The following EPB41L4A variants were observed in gnomAD, a reference collection of about 807,000 sequenced individuals.
EPB41L4A encodes the protein erythrocyte membrane protein band 4.1 like 4A.
EPB41L4A carries 100 observed loss-of-function variants against 108.6 expected under a neutral mutation model. The ratio of observed to expected loss-of-function variants is 0.92; its 90% CI spans 0.78 to 1.09. The LOEUF is 1.09. EPB41L4A is among the 50% of genes least tolerant of loss of function. The probability of loss-of-function intolerance (pLI) is 0.00; values close to 1 mark genes in which losing one functional copy is unlikely to be tolerated. For synonymous variants in EPB41L4A, 319 were observed against 289.0 expected (o/e 1.10, Z -1.05); for missense variants, 1,030 against 842.7 (o/e 1.22, Z -2.75).
In EPB41L4A at chr5:112,395,805, T is replaced by C. The variant is rs371913168; in HGVS notation, c.99+23136A>G. ...GAAGACTTATGCACACTTATGTTTA[T>C]TGTGGCACTATTCACAATAGCAAAG... On this transcript the variant is annotated intron_variant, in intron 1 of 22. Transcript: ENST00000261486. Among the ~76,000 whole-genome samples, 8 of 152,244 alleles carry C rather than the reference T, an allele frequency of 5.3e-5. No individual in the cohort carries two copies. The East Asian group carries it at 7.7e-4, about 15-fold the overall frequency.
At position 112,266,301 on chromosome 5, in the gene EPB41L4A, T is replaced by A; in HGVS notation, c.365A>T (p.Asp122Val). Reference sequence around the variant, plus strand: ...ACAGGGCAGACGGCCCTGAAGGACATCTTGCTTCACCTGCAAGAAAAACTG... The same window carrying A: ...ACAGGGCAGACGGCCCTGAAGGACAACTTGCTTCACCTGCAAGAAAAACTG... ...RYQFFLQVKQ[D>V]VLQGRLPCPV... The change falls in exon 5 of 23, where the codon GAT (aspartate) becomes GTT (valine). Residue 122 changes from aspartate (D) to valine (V), a missense_variant. Physicochemically the swap from Asp to Val is radical, Grantham distance 152 (BLOSUM62 -3). Coordinates refer to ENST00000261486, the MANE Select transcript of EPB41L4A (RefSeq NM_022140.5). 3 of 1,608,152 alleles carry A rather than the reference T, an allele frequency of 1.9e-6. No homozygotes were observed. Among genetic ancestry groups the A allele is most frequent in the East Asian group, 2.2e-5 (1 of 44,788 alleles).
At chr5:112,314,892 G>T (rs1755333197) in intron 1 of EPB41L4A, among the ~76,000 whole-genome samples, 1 of 152,136 alleles carries the variant, frequency 6.6e-6, no homozygotes, top group Admixed American at 6.5e-5. Context: ...GAATTCACAA[G>T]ATGCCACAAA....
chr5:112,198,690 T>G (rs1488558018), intron 15 of EPB41L4A, among the ~76,000 whole-genome samples: 1 of 152,084 alleles, frequency 6.6e-6, no homozygotes, highest in African/African-American at 2.4e-5. Flanking sequence ...TTATTGTGGG[T>G]TTTTTGGTTC....
chr5:112,155,967 TG>T (rs771252296), intron 12 of EPB41L4A, among the ~76,000 whole-genome samples: 10 of 152,160 alleles, frequency 6.6e-5, no homozygotes, highest in African/African-American at 1.7e-4. Flanking sequence ...TAAAACAGTA[TG>T]AAAAAAATAA....
At chr5:112,352,102 G>A (rs1403510086) in intron 1 of EPB41L4A, among the ~76,000 whole-genome samples, 3 of 152,030 alleles carry the variant, frequency 2.0e-5, no homozygotes, top group African/African-American at 7.2e-5. Flanking sequence ...CATTTCATTG[G>A]TCCTTGTATT....
chr5:112,386,624 G>C (rs1003543118), intron 1 of EPB41L4A, among the ~76,000 whole-genome samples: 6 of 152,224 alleles, frequency 3.9e-5, no homozygotes, highest in Admixed American at 6.5e-5. Flanking sequence ...CTAACTTCAG[G>C]ACAGACTATA....
intron 2 of EPB41L4A, among the ~76,000 whole-genome samples, chr5:112,296,856 A>G (rs1754018370): frequency 6.6e-6 from 1 of 151,964 alleles, no homozygotes; most frequent in Non-Finnish European, 1.5e-5. Flanking sequence ...AGAACATACA[A>G]TATTTGTTTT....
chr5:112,220,463 T>A (rs1408898832), intron 12 of EPB41L4A, among the ~76,000 whole-genome samples: 1 of 152,178 alleles, frequency 6.6e-6, no homozygotes, highest in African/African-American at 2.4e-5. Flanking sequence ...AGGGCTCTTT[T>A]CTTTTGCAAA....
chr5:112,406,038 C>T (rs374376684), intron 1 of EPB41L4A, among the ~76,000 whole-genome samples: 3 of 152,296 alleles, frequency 2.0e-5, no homozygotes, highest in South Asian at 2.1e-4. Flanking sequence ...TACCCTCACA[C>T]TCAAAACATA....
intron 1 of EPB41L4A, among the ~76,000 whole-genome samples, chr5:112,358,879 C>T (rs1027148315): frequency 1.2e-4 from 19 of 152,086 alleles, no homozygotes; most frequent in African/African-American, 4.6e-4. Context: ...GAACTTCTGC[C>T]ACAGACAATA....
chr5:112,221,692 T>C (rs1410870309), intron 12 of EPB41L4A, among the ~76,000 whole-genome samples: 1 of 152,172 alleles, frequency 6.6e-6, no homozygotes, highest in Non-Finnish European at 1.5e-5. Context: ...TAGGGTCTTA[T>C]GCCAAAGAGG....
chr5:112,325,338 G>A (rs1015808926), intron 1 of EPB41L4A, among the ~76,000 whole-genome samples: 1 of 152,016 alleles, frequency 6.6e-6, no homozygotes, highest in African/African-American at 2.4e-5. Flanking sequence ...CTACTTGGGA[G>A]GCTGAGGCAG....
intron 9 of EPB41L4A, chr5:112,256,721 T>C (rs957039052): frequency 2.0e-5 from 3 of 152,008 alleles, no homozygotes; most frequent in South Asian, 2.1e-4. Context: ...CAAAACCACA[T>C]AGGGGATAAT....
At chr5:112,267,645 C>G (rs936990203) in intron 4 of EPB41L4A, among the ~76,000 whole-genome samples, 7 of 151,754 alleles carry the variant, frequency 4.6e-5, no homozygotes, top group Non-Finnish European at 7.3e-5. Context: ...ATCCCCTACA[C>G]CAGGTCACTC....
intron 12 of EPB41L4A, among the ~76,000 whole-genome samples, chr5:112,149,343 GTGCC>G (rs1206392300): frequency 2.0e-5 from 3 of 152,140 alleles, no homozygotes; most frequent in South Asian, 2.1e-4. Flanking sequence ...GTGGTGGCAC[GTGCC>G]TGTATTCCCA....
intron 15 of EPB41L4A, 101 bp downstream of exon 15, chr5:112,204,274 G>C: frequency 1.4e-6 from 1 of 696,916 alleles, no homozygotes; most frequent in Non-Finnish European, 2.5e-6. Flanking sequence ...ATCTTGGAGA[G>C]AAACAGTAAT....
intron 11 of EPB41L4A, among the ~76,000 whole-genome samples, chr5:112,238,234 T>C (rs959915931): frequency 6.6e-6 from 1 of 152,198 alleles, no homozygotes; most frequent in Non-Finnish European, 1.5e-5. Context: ...GTACTGACTA[T>C]TACCTGCTCT....
chr5:112,383,422 A>C (rs893142072), intron 1 of EPB41L4A, among the ~76,000 whole-genome samples: 6 of 152,264 alleles, frequency 3.9e-5, no homozygotes, highest in Non-Finnish European at 5.9e-5. Flanking sequence ...AAAAGACCGT[A>C]AAACTGTACT....
At chr5:112,318,953 AT>A (rs1755591636) in intron 1 of EPB41L4A, among the ~76,000 whole-genome samples, 1 of 152,270 alleles carries the variant, frequency 6.6e-6, no homozygotes, top group South Asian at 2.1e-4. Flanking sequence ...ACCCTTGTTT[AT>A]GGGTTACCAT....
Sources: allele counts gnomAD v4.1 joint callset (sites outside exome capture counted in the v4.1 genomes callset), GRCh38; gene constraint gnomAD v4.1.1; transcripts MANE v1.5; gene names NCBI Gene and HGNC (gene_info 2026-07-23, HGNC 2026-07-21).